The following EPHB1 variants were observed in gnomAD, a reference collection of about 807,000 sequenced individuals.
The protein encoded by EPHB1 is ephrin type-B receptor 1.
EPHB1 carries 30 observed loss-of-function variants against 94.4 expected under a neutral mutation model. The observed-to-expected ratio is 0.32, with a 90% CI of 0.24 to 0.43. EPHB1 has a LOEUF of 0.43. Among genes scored for constraint, EPHB1 ranks in the 20% least tolerant of loss-of-function variants. EPHB1 has a pLI of 1.00. For missense variants in EPHB1, 1,055 were observed against 1,308.3 expected, an observed-to-expected ratio of 0.81 and a Z score of 2.99; for synonymous variants, 522 against 489.1, an observed-to-expected ratio of 1.07 and a Z score of -0.89.
At chr3:135,161,616 G>T (rs1941508661) in intron 6 of EPHB1, among the ~76,000 whole-genome samples, 1 of 152,200 alleles carries the variant, frequency 6.6e-6, no homozygotes, top group Admixed American at 6.5e-5. Flanking sequence ...AGAGAGGCAG[G>T]CAGGGGGCAG....
At chr3:134,938,889 C>T (rs138028048) in intron 2 of EPHB1, among the ~76,000 whole-genome samples, 152 of 152,218 alleles carry the variant, frequency 1.0e-3, no homozygotes, top group African/African-American at 3.5e-3. Flanking sequence ...CTGGGTCTGG[C>T]GGACTCCAGA....
intron 2 of EPHB1, among the ~76,000 whole-genome samples, chr3:134,940,159 G>A (rs2039084517): frequency 6.6e-6 from 1 of 152,204 alleles, no homozygotes; most frequent in Non-Finnish European, 1.5e-5. Flanking sequence ...GCTGACCAAA[G>A]GGTAGGATTA....
chr3:134,947,575 A>T (rs1047253998), intron 2 of EPHB1, among the ~76,000 whole-genome samples: 1 of 152,176 alleles, frequency 6.6e-6, no homozygotes, highest in Non-Finnish European at 1.5e-5. Flanking sequence ...TCACTCCCTT[A>T]GGAGCTGTCA....
At chr3:135,196,005 T>A (rs1220710818) in intron 11 of EPHB1, among the ~76,000 whole-genome samples, 4 of 138,990 alleles carry the variant, frequency 2.9e-5, no homozygotes, top group Non-Finnish European at 6.1e-5. Context: ...TGTTGTTTCC[T>A]GACTTTTTAA....
intron 3 of EPHB1, among the ~76,000 whole-genome samples, chr3:135,020,119 C>T (rs1935937923): frequency 6.6e-6 from 1 of 152,084 alleles, no homozygotes; most frequent in Admixed American, 6.5e-5. Context: ...ATTTTTTTTC[C>T]AGCTTTCCAA....
chr3:135,153,719 C>T (rs1355026166), intron 5 of EPHB1, among the ~76,000 whole-genome samples: 1 of 152,224 alleles, frequency 6.6e-6, no homozygotes, highest in Non-Finnish European at 1.5e-5. Flanking sequence ...TCTACTCTCT[C>T]ATTATCATCT....
chr3:135,039,744 T>C (rs572468555), intron 3 of EPHB1, among the ~76,000 whole-genome samples: 28 of 152,296 alleles, frequency 1.8e-4, no homozygotes, highest in South Asian at 1.0e-3. Flanking sequence ...ACCAAGCCCA[T>C]GCCCACCCGG....
At chr3:134,849,196 G>C (rs2036929548) in intron 1 of EPHB1, among the ~76,000 whole-genome samples, 1 of 152,220 alleles carries the variant, frequency 6.6e-6, no homozygotes, top group African/African-American at 2.4e-5. Flanking sequence ...CACGTAGAGG[G>C]CTTGTTGAAA....
chr3:135,192,536 G>A, intron 10 of EPHB1, 40 bp from the exon 11 acceptor site: 3 of 1,603,786 alleles, frequency 1.9e-6, no homozygotes, highest in Non-Finnish European at 2.6e-6. Context: ...TCCACAGACT[G>A]AGAAGGAAGA....
At chr3:134,835,332 A>G (rs2036653803) in intron 1 of EPHB1, among the ~76,000 whole-genome samples, 2 of 152,254 alleles carry the variant, frequency 1.3e-5, no homozygotes, top group Non-Finnish European at 2.9e-5. Context: ...TGAGCTGGAC[A>G]GCATTTAATG....
At chr3:135,061,201 A>AGAT (rs1323974476) in intron 3 of EPHB1, among the ~76,000 whole-genome samples, 1 of 152,110 alleles carries the variant, frequency 6.6e-6, no homozygotes. Flanking sequence ...TTCAGTGGTG[A>AGAT]TTTGTGAGAT....
intron 4 of EPHB1, among the ~76,000 whole-genome samples, chr3:135,131,407 T>G (rs1396469567): frequency 1.3e-5 from 2 of 152,214 alleles, no homozygotes; most frequent in African/African-American, 4.8e-5. Flanking sequence ...GTCTCCAGCA[T>G]GAACCACTTT....
intron 13 of EPHB1, among the ~76,000 whole-genome samples, chr3:135,247,179 A>T (rs1216372925): frequency 1.3e-5 from 2 of 152,196 alleles, no homozygotes; most frequent in African/African-American, 4.8e-5. Flanking sequence ...ACACATGAAA[A>T]ATATTCAGGT....
intron 4 of EPHB1, among the ~76,000 whole-genome samples, chr3:135,107,175 G>A (rs1390248559): frequency 1.3e-5 from 2 of 152,208 alleles, no homozygotes; most frequent in Non-Finnish European, 2.9e-5. Context: ...GACAAGACCA[G>A]TGGCCTGACC....
At chr3:135,174,778 G>A (rs1941928033) in intron 9 of EPHB1, among the ~76,000 whole-genome samples, 1 of 152,104 alleles carries the variant, frequency 6.6e-6, no homozygotes, top group South Asian at 2.1e-4. Context: ...CCAATTTTAG[G>A]GGAGTCACAA....
At chr3:135,104,820 G>A (rs1490640514) in intron 3 of EPHB1, among the ~76,000 whole-genome samples, 4 of 152,192 alleles carry the variant, frequency 2.6e-5, no homozygotes, top group South Asian at 2.1e-4. Flanking sequence ...ACCCCACCCA[G>A]CACATGTCTG....
chr3:134,795,958 C>T (rs1000505751), intron 1 of EPHB1, among the ~76,000 whole-genome samples: 3 of 152,256 alleles, frequency 2.0e-5, no homozygotes, highest in East Asian at 3.9e-4. Flanking sequence ...CCTCGGTCTC[C>T]CGCAGCCCCC....
intron 1 of EPHB1, among the ~76,000 whole-genome samples, chr3:134,807,266 A>G (rs1317230126): frequency 6.6e-6 from 1 of 152,226 alleles, no homozygotes; most frequent in Non-Finnish European, 1.5e-5. Context: ...CATCTACATG[A>G]GAAGCACTGT....
chr3:134,928,601 T>A (rs545016261), intron 2 of EPHB1, among the ~76,000 whole-genome samples: 2 of 152,008 alleles, frequency 1.3e-5, no homozygotes, highest in Admixed American at 1.3e-4. Flanking sequence ...AGAGGATGAG[T>A]CAATCTGGGA....
Sources: gnomAD v4.1 joint callset for allele counts (sites outside exome capture counted in the v4.1 genomes callset) on GRCh38, gnomAD v4.1.1 for gene constraint, MANE v1.5 for transcripts, NCBI Gene and HGNC (gene_info 2026-07-23, HGNC 2026-07-21) for gene names.